Variants in DRICH1 observed in about 807,000 individuals in gnomAD.
The protein encoded by DRICH1 is aspartate-rich protein 1.
DRICH1 carries 38 observed loss-of-function variants against 39.5 expected under a neutral mutation model. That is an observed-to-expected ratio of 0.96 (90% CI 0.74 to 1.26). DRICH1 has a LOEUF of 1.26. Among genes scored for constraint, DRICH1 ranks in the 50% most tolerant of loss-of-function variants. DRICH1 has a pLI of 0.00. For synonymous variants in DRICH1, 84 were observed against 99.5 expected, an observed-to-expected ratio of 0.84 and a Z score of 0.93; for missense variants, 279 against 270.4, an observed-to-expected ratio of 1.03 and a Z score of -0.22.
downstream of DRICH1, among the ~76,000 whole-genome samples, chr22:23,603,717 C>T (rs183679900): frequency 1.3e-5 from 2 of 152,102 alleles, no homozygotes; most frequent in Non-Finnish European, 1.5e-5. Flanking sequence ...AGAGGGGGGA[C>T]CCCCTCCCCC....
At chr22:23,609,589 G>A (rs928043415) in intron 11 of DRICH1, among the ~76,000 whole-genome samples, 8 of 152,074 alleles carry the variant, frequency 5.3e-5, no homozygotes, top group Admixed American at 4.6e-4. Context: ...GTGTCAGCAG[G>A]GAGCCCTGGG....
Position 23,619,068 on chromosome 22 carries a change from AG to A in DRICH1, c.436+295del, listed in dbSNP as rs577267764. On this transcript the variant is annotated intron_variant, in intron 6 of 11. Coordinates refer to ENST00000317749, the MANE Select transcript of DRICH1 (RefSeq NM_016449.4). ...GCATCTGTAGTCCCAGCTACTAGGG[AG>A]GATAAGGCAGGAGAATCAGTTCAAC... Among the ~76,000 whole-genome samples the A allele has an allele frequency of 1.5e-3, 219 of 150,710 alleles. 1 individual carries two copies. Among genetic ancestry groups the A allele is most frequent in the African/African-American group, 5.1e-3 (210 of 41,138 alleles).
At chr22:23,607,466 G>A (rs557111421), downstream of DRICH1, among the ~76,000 whole-genome samples, 3 of 152,074 alleles carry the variant, frequency 2.0e-5, no homozygotes, top group African/African-American at 7.2e-5. Flanking sequence ...GACCCTCATT[G>A]TGAGGATGGG....
chr22:23,582,572 T>TATTATTATTATTATTATTA, the DRICH1 span, among the ~76,000 whole-genome samples: 1 of 148,754 alleles, frequency 6.7e-6, no homozygotes, highest in African/African-American at 2.5e-5. Flanking sequence ...TTATTATTAT[T>TATTATTATTATTATTATTA]ATTATTATTT....
chr22:23,604,965 A>G, downstream of DRICH1, among the ~76,000 whole-genome samples: 1 of 152,140 alleles, frequency 6.6e-6, no homozygotes, highest in Non-Finnish European at 1.5e-5. Flanking sequence ...GTCCCAGTCC[A>G]CTGCATTTGG....
At chr22:23,599,887 C>A in the DRICH1 span, among the ~76,000 whole-genome samples, 2 of 152,314 alleles carry the variant, frequency 1.3e-5, no homozygotes, top group Admixed American at 1.3e-4. Flanking sequence ...GCCACAGCCC[C>A]CTTCTCCCAC....
the DRICH1 span, among the ~76,000 whole-genome samples, chr22:23,599,241 C>T: frequency 1.2e-4 from 18 of 152,190 alleles, no homozygotes; most frequent in Non-Finnish European, 2.1e-4. Context: ...CTGCAGGGCT[C>T]TGGGGCTTAG....
chr22:23,612,581 GTGGGAAGGAACTTT>G (rs1428446264), intron 11 of DRICH1, among the ~76,000 whole-genome samples: 1 of 150,428 alleles, frequency 6.6e-6, no homozygotes, highest in East Asian at 2.0e-4. Context: ...ACTATCTTTT[GTGGGAAGGAACTTT>G]TGGCTTCCCA....
chr22:23,611,523 C>T (rs1223606115), intron 11 of DRICH1, among the ~76,000 whole-genome samples: 2 of 151,860 alleles, frequency 1.3e-5, no homozygotes, highest in African/African-American at 2.4e-5. Context: ...TCCCAAGTAG[C>T]TGGGACTACA....
intron 6 of DRICH1, among the ~76,000 whole-genome samples, chr22:23,618,886 A>C (rs1336913876): frequency 2.6e-5 from 4 of 152,114 alleles, no homozygotes; most frequent in Non-Finnish European, 5.9e-5. Flanking sequence ...AAGATATCAC[A>C]AATTTGTCCA....
chr22:23,589,991 C>A, the DRICH1 span, among the ~76,000 whole-genome samples: 11 of 152,186 alleles, frequency 7.2e-5, no homozygotes, highest in Non-Finnish European at 4.4e-5. Flanking sequence ...TGGCTCGATC[C>A]CCGGATGTCT....
At chr22:23,585,720 G>A in the DRICH1 span, among the ~76,000 whole-genome samples, 1 of 152,100 alleles carries the variant, frequency 6.6e-6, no homozygotes, top group Non-Finnish European at 1.5e-5. Context: ...GGGTCTCACT[G>A]TGTTGCCCGG....
At chr22:23,605,481 C>T (rs1415332899), downstream of DRICH1, among the ~76,000 whole-genome samples, 2 of 152,234 alleles carry the variant, frequency 1.3e-5, no homozygotes, top group African/African-American at 2.4e-5. Context: ...GGCCCCTGCC[C>T]AGTGGGGGAA....
At chr22:23,631,511 G>A (rs1237658080) in intron 1 of DRICH1, among the ~76,000 whole-genome samples, 2 of 152,142 alleles carry the variant, frequency 1.3e-5, no homozygotes, top group Non-Finnish European at 2.9e-5. Flanking sequence ...ACCCTTAGCT[G>A]GTTCCTTCAT....
chr22:23,621,032 G>A (rs757493370), intron 4 of DRICH1, among the ~76,000 whole-genome samples: 1 of 152,110 alleles, frequency 6.6e-6, no homozygotes, highest in Admixed American at 6.5e-5. Flanking sequence ...TATATAATGC[G>A]CCTTGTCATA....
At chr22:23,599,241 C>G in the DRICH1 span, among the ~76,000 whole-genome samples, 30 of 152,308 alleles carry the variant, frequency 2.0e-4, no homozygotes, top group African/African-American at 7.0e-4. Flanking sequence ...CTGCAGGGCT[C>G]TGGGGCTTAG....
the DRICH1 span, among the ~76,000 whole-genome samples, chr22:23,603,136 T>G: frequency 6.6e-6 from 1 of 151,548 alleles, no homozygotes; most frequent in Non-Finnish European, 1.5e-5. Context: ...CTCCCACACA[T>G]TAAGAATTTT....
chr22:23,589,931 T>C, the DRICH1 span, among the ~76,000 whole-genome samples: 1 of 152,180 alleles, frequency 6.6e-6, no homozygotes, highest in African/African-American at 2.4e-5. Context: ...GCTCCAGACA[T>C]ACCCTCCCTT....
At chr22:23,582,641 C>T in the DRICH1 span, among the ~76,000 whole-genome samples, 1 of 151,780 alleles carries the variant, frequency 6.6e-6, no homozygotes, top group Admixed American at 6.6e-5. Context: ...TCTCGGCTCA[C>T]TGTGGCCTCT....
Sources: gnomAD v4.1 joint callset for allele counts (sites outside exome capture counted in the v4.1 genomes callset) on GRCh38, gnomAD v4.1.1 for gene constraint, MANE v1.5 for transcripts, NCBI Gene and HGNC (gene_info 2026-07-23, HGNC 2026-07-21) for gene names.